Variants in RPTOR observed in about 807,000 individuals in gnomAD.
The protein encoded by RPTOR is regulatory associated protein of MTOR complex 1, also known as regulatory-associated protein of mTOR.
A neutral mutation model predicts 169.9 loss-of-function variants in RPTOR; 21 were observed. That is an observed-to-expected ratio of 0.12 (90% CI 0.09 to 0.18). The LOEUF is 0.18. RPTOR is among the 10% of genes least tolerant of loss of function. The pLI, the probability that RPTOR is intolerant of heterozygous loss-of-function variation, is 1.00. For missense variants in RPTOR, 1,133 were observed against 1,855.9 expected (o/e 0.61, Z 7.16); for synonymous variants, 732 against 753.2 (o/e 0.97, Z 0.46).
intron 2 of RPTOR, among the ~76,000 whole-genome samples, 163 bp downstream of exon 2, chr17:80,625,956 T>C (rs893979045): frequency 7.2e-5 from 11 of 152,254 alleles, no homozygotes; most frequent in East Asian, 1.9e-4. Flanking sequence ...TAATTTCCGA[T>C]GCGCTCACCT....
chr17:80,559,289 A>T (rs1245005820), intron 1 of RPTOR, among the ~76,000 whole-genome samples: 3 of 152,202 alleles, frequency 2.0e-5, no homozygotes, highest in Non-Finnish European at 2.9e-5. Flanking sequence ...GCTTTGTCCC[A>T]GTACTGTCAT....
intron 3 of RPTOR, among the ~76,000 whole-genome samples, chr17:80,665,394 TTTCC>T (rs1567846058): frequency 0.013 from 140 of 11,070 alleles, 5 homozygotes; most frequent in Middle Eastern, 0.029. Context: ...TTTCCTTTCC[TTTCC>T]TTTCCTTTCC....
intron 5 of RPTOR, among the ~76,000 whole-genome samples, chr17:80,750,661 G>A (rs1004621391): frequency 6.6e-5 from 10 of 152,310 alleles, no homozygotes; most frequent in South Asian, 4.1e-4. Flanking sequence ...TAGTGGGCCT[G>A]TCACAGCAGA....
intron 1 of RPTOR, among the ~76,000 whole-genome samples, chr17:80,601,572 T>TTTTTTTTTTTA (rs1491485204): frequency 4.1e-5 from 2 of 48,598 alleles, no homozygotes; most frequent in Admixed American, 1.6e-4. Flanking sequence ...TTTTTTTTTT[T>TTTTTTTTTTTA]AAATTTATTT....
chr17:80,955,356 T>C (rs1406607251), intron 28 of RPTOR, among the ~76,000 whole-genome samples: 1 of 152,212 alleles, frequency 6.6e-6, no homozygotes, highest in East Asian at 1.9e-4. Flanking sequence ...CTAAATGGTG[T>C]TGGGACAGCT....
At chr17:80,786,404 G>A (rs1598303145) in intron 6 of RPTOR, among the ~76,000 whole-genome samples, 1 of 152,072 alleles carries the variant, frequency 6.6e-6, no homozygotes, top group East Asian at 1.9e-4. Flanking sequence ...ATAGTTATTT[G>A]TATGATATTT....
chr17:80,584,836 G>A (rs751637618), intron 1 of RPTOR, among the ~76,000 whole-genome samples: 5 of 152,214 alleles, frequency 3.3e-5, no homozygotes, highest in Admixed American at 6.5e-5. Flanking sequence ...TGTGGTAGCT[G>A]GTGAGTTATG....
chr17:80,799,918 C>T (rs2067139790), intron 7 of RPTOR, among the ~76,000 whole-genome samples: 1 of 152,170 alleles, frequency 6.6e-6, no homozygotes, highest in African/African-American at 2.4e-5. Context: ...GGCACCTGCC[C>T]CATGCCCATG....
Position 80,730,691 on chromosome 17 carries a change from G to T in RPTOR, c.639G>T (p.Arg213=). The change falls in exon 5 of 34, where the codon CGG becomes CGT. Residue 213 remains arginine (R), a synonymous_variant. Transcript: ENST00000306801. This position sits in a 1 kb window ranked among gnomAD's most constrained non-coding sequence, Gnocchi z 4.2. ...VKSFKQFALQ[R]EQELEVAAIN... is the part of the protein sequence containing the mutation. ...CCTTCAAGCAGTTCGCACTACAGCG[G>T]GAGCAGGAGCTGGAGGTGAGCGCTC... The T allele has an allele frequency of 1.9e-6, 3 of 1,612,624 alleles. No homozygotes were observed. Among genetic ancestry groups the T allele is most frequent in the Non-Finnish European group, 2.5e-6 (3 of 1,179,678 alleles).
At chr17:80,854,500 C>T (rs1053507923) in intron 11 of RPTOR, among the ~76,000 whole-genome samples, 7 of 152,164 alleles carry the variant, frequency 4.6e-5, no homozygotes, top group East Asian at 1.9e-4. Flanking sequence ...ATATATGCTC[C>T]GACCTTACCT....
Position 80,613,754 on chromosome 17 carries a change from C to T in RPTOR, c.163-11937C>T, listed in dbSNP as rs533452076. Among the ~76,000 whole-genome samples the T allele has an allele frequency of 6.1e-5, 9 of 146,392 alleles. 1 individual carries two copies. The South Asian group carries it at 2.0e-3, about 32-fold the overall frequency. Reference sequence around the variant, plus strand: ...CGCGTGTTGTGTGGACACAGGTGCTCTCTATGGTTGAATGAAGTGGTGTTG... The same window carrying T: ...CGCGTGTTGTGTGGACACAGGTGCTTTCTATGGTTGAATGAAGTGGTGTTG... On this transcript the variant is annotated intron_variant, in intron 1 of 33. Coordinates refer to ENST00000306801, the MANE Select transcript of RPTOR (RefSeq NM_020761.3).
chr17:80,607,606 T>C (rs1054137266), intron 1 of RPTOR, among the ~76,000 whole-genome samples: 1 of 147,544 alleles, frequency 6.8e-6, no homozygotes, highest in Admixed American at 6.7e-5. Flanking sequence ...CATTTATATA[T>C]ATATATATAT....
At position 80,603,213 on chromosome 17, in the gene RPTOR, T is replaced by A. The variant is rs572741009; in HGVS notation, c.163-22478T>A. 8.5e-5 allele frequency among the ~76,000 whole-genome samples: 13 copies of A among 152,332 alleles called. 1 individual carries two copies. The South Asian group carries it at 2.7e-3, about 32-fold the overall frequency. On this transcript the variant is annotated intron_variant, in intron 1 of 33. Coordinates refer to ENST00000306801, the MANE Select transcript of RPTOR (RefSeq NM_020761.3). ...AGACTTCGTTGAGTAAAATTGGAAA[T>A]AATTTTAAATCTAATTTATCTTGTT... is the stretch of plus-strand genomic sequence containing the variant.
intron 25 of RPTOR, among the ~76,000 whole-genome samples, chr17:80,941,024 G>C (rs150221875): frequency 0.015 from 2,287 of 152,322 alleles, 26 homozygotes; most frequent in South Asian, 0.04. Context: ...GACAGGTGTC[G>C]TTGCGCCAGG....
intron 1 of RPTOR, among the ~76,000 whole-genome samples, chr17:80,592,956 G>C (rs182006363): frequency 1.3e-4 from 20 of 152,320 alleles, no homozygotes; most frequent in Admixed American, 2.6e-4. Context: ...TTGCATCCAT[G>C]ATAGCCTCAT....
intron 3 of RPTOR, among the ~76,000 whole-genome samples, chr17:80,679,723 T>G (rs925155700): frequency 4.6e-5 from 7 of 152,268 alleles, no homozygotes; most frequent in Admixed American, 3.3e-4. Context: ...GTCTTCAGAA[T>G]TAATATTTAT....
At chr17:80,781,471 C>T (rs2340769) in intron 6 of RPTOR, among the ~76,000 whole-genome samples, 140,004 of 152,204 alleles carry the variant, frequency 0.92, 64,500 homozygotes, top group East Asian at 1. Flanking sequence ...GGAAAAGGTT[C>T]CAAAATTTTT....
Position 80,908,880 on chromosome 17 carries a change from C to T in RPTOR, c.2471C>T (p.Pro824Leu). The T allele has an allele frequency of 6.2e-7, 1 of 1,614,142 alleles. No homozygotes were observed. The highest frequency in any genetic ancestry group is 8.5e-7 in the Non-Finnish European group (1 of 1,180,010). ...VLLHLAADPY[P>L]EVSDVAMKVL... is the part of the protein sequence containing the mutation. ...CTGCACCTGGCTGCTGACCCCTATC[C>T]AGAGGTCTCGGACGTGGCCATGAAA... Residue 824 changes from proline to leucine, a missense_variant, in exon 21 of 34, where the codon CCA becomes CTA. By Grantham distance (98) the Pro-to-Leu change is moderately conservative. Coordinates refer to ENST00000306801, the MANE Select transcript of RPTOR (RefSeq NM_020761.3).
intron 6 of RPTOR, among the ~76,000 whole-genome samples, chr17:80,761,454 G>A (rs755750151): frequency 6.6e-6 from 1 of 152,114 alleles, no homozygotes. Flanking sequence ...GGAAAGTTTC[G>A]CTCCTGCATT....
Sources: gnomAD v4.1 joint callset for allele counts (sites outside exome capture counted in the v4.1 genomes callset) on GRCh38, gnomAD v4.1.1 for gene constraint, Gnocchi (gnomAD v3.1) non-coding constraint, MANE v1.5 for transcripts, NCBI Gene and HGNC (gene_info 2026-07-23, HGNC 2026-07-21) for gene names.